The following ARL15 variants were observed in gnomAD, a reference collection of about 807,000 sequenced individuals.
ARL15 encodes ADP-ribosylation factor-like protein 15.
ARL15 carries 19 observed loss-of-function variants against 25.2 expected under a neutral mutation model. The ratio of observed to expected loss-of-function variants is 0.75; its 90% CI spans 0.53 to 1.10. The LOEUF (loss-of-function observed/expected upper bound fraction) is 1.10. Among genes scored for constraint, ARL15 ranks in the 50% least tolerant of loss-of-function variants. The pLI is 0.00. For synonymous variants in ARL15, 94 were observed against 86.8 expected, an observed-to-expected ratio of 1.08 and a Z score of -0.46; for missense variants, 220 against 246.0, an observed-to-expected ratio of 0.89 and a Z score of 0.71.
intron 1 of ARL15, among the ~76,000 whole-genome samples, chr5:54,221,958 C>A (rs1398976938): frequency 6.6e-6 from 1 of 151,818 alleles, no homozygotes; most frequent in Non-Finnish European, 1.5e-5. Context: ...AATGAAAAGG[C>A]AAGAGAAATT....
chr5:54,185,062 T>C (rs1195067317), intron 1 of ARL15, among the ~76,000 whole-genome samples: 2 of 152,156 alleles, frequency 1.3e-5, no homozygotes, highest in Non-Finnish European at 2.9e-5. Context: ...TGGCATCCAA[T>C]AGTTGTTATG....
At chr5:54,056,507 G>A (rs1185894754) in intron 4 of ARL15, among the ~76,000 whole-genome samples, 1 of 151,602 alleles carries the variant, frequency 6.6e-6, no homozygotes, top group Non-Finnish European at 1.5e-5. Flanking sequence ...GCGTGCCCCT[G>A]TAGTCCCAGC....
chr5:54,111,646 A>C (rs1047612442), intron 4 of ARL15, among the ~76,000 whole-genome samples: 1 of 152,132 alleles, frequency 6.6e-6, no homozygotes, highest in Non-Finnish European at 1.5e-5. Context: ...CTGAAGTTAA[A>C]ATGGCACTTA....
At chr5:54,126,810 C>CT (rs889363249) in intron 3 of ARL15, among the ~76,000 whole-genome samples, 3 of 151,748 alleles carry the variant, frequency 2.0e-5, no homozygotes, top group Non-Finnish European at 2.9e-5. Flanking sequence ...TAATAAACTT[C>CT]TTTTTTTAAA....
At chr5:54,239,578 T>A (rs552930625) in intron 1 of ARL15, among the ~76,000 whole-genome samples, 1 of 152,326 alleles carries the variant, frequency 6.6e-6, no homozygotes, top group East Asian at 1.9e-4. Flanking sequence ...CTTATGTGTT[T>A]TCCAGCCTCA....
At chr5:54,052,964 GA>G (rs1255352447) in intron 4 of ARL15, among the ~76,000 whole-genome samples, 1 of 151,742 alleles carries the variant, frequency 6.6e-6, no homozygotes, top group South Asian at 2.1e-4. Context: ...AGTGCCAAAA[GA>G]AAAAAAATCA....
chr5:54,267,544 T>C (rs937529436), intron 1 of ARL15, among the ~76,000 whole-genome samples: 1 of 152,186 alleles, frequency 6.6e-6, no homozygotes, highest in Admixed American at 6.5e-5. Context: ...CAACTTGTTA[T>C]AAATATCCAG....
intron 3 of ARL15, among the ~76,000 whole-genome samples, chr5:54,135,945 C>T (rs1753589322): frequency 6.6e-6 from 1 of 152,178 alleles, no homozygotes; most frequent in African/African-American, 2.4e-5. Flanking sequence ...GCAGCAAATG[C>T]ACCCATAGCC....
chr5:54,165,823 C>T (rs1189240346), intron 2 of ARL15, among the ~76,000 whole-genome samples: 1 of 151,720 alleles, frequency 6.6e-6, no homozygotes, highest in East Asian at 1.9e-4. Flanking sequence ...CCAAAATCTA[C>T]AGTTTGGGCT....
intron 3 of ARL15, among the ~76,000 whole-genome samples, chr5:54,134,687 C>T (rs1487860127): frequency 2.8e-5 from 4 of 141,902 alleles, no homozygotes; most frequent in Non-Finnish European, 4.5e-5. Context: ...CGGGTTCAAG[C>T]GATTCTCCTG....
At chr5:54,221,792 G>T (rs1561272678) in intron 1 of ARL15, among the ~76,000 whole-genome samples, 1 of 150,716 alleles carries the variant, frequency 6.6e-6, no homozygotes, top group Non-Finnish European at 1.5e-5. Context: ...GGGGGCCAGA[G>T]AAGTAATTTT....
chr5:54,194,282 A>C (rs1472418610), intron 1 of ARL15, among the ~76,000 whole-genome samples: 2 of 152,182 alleles, frequency 1.3e-5, no homozygotes, highest in Non-Finnish European at 1.5e-5. Context: ...ATTTTGAACA[A>C]GACGAGATAA....
chr5:54,089,501 A>G lies in ARL15; in HGVS notation c.462+23701T>C, dbSNP rs148352184. Among the ~76,000 whole-genome samples the G allele has an allele frequency of 3.6e-3, 546 of 152,340 alleles. 8 individuals are homozygous for G. The highest frequency in any genetic ancestry group is 0.011 in the African/African-American group (451 of 41,590). Reference sequence around the variant, plus strand: ...CCATTCATAATAAAATTCACTTCACAATAGAAAAGGATATCTTTTATAAAA... The same window carrying G: ...CCATTCATAATAAAATTCACTTCACGATAGAAAAGGATATCTTTTATAAAA... On this transcript the variant is annotated intron_variant, in intron 4 of 4. Coordinates refer to ENST00000504924, the MANE Select transcript of ARL15 (RefSeq NM_019087.3).
chr5:54,088,555 A>T (rs1054532492), intron 4 of ARL15, among the ~76,000 whole-genome samples: 1 of 152,228 alleles, frequency 6.6e-6, no homozygotes, highest in African/African-American at 2.4e-5. Context: ...ACCTGATGAA[A>T]CAACCAAGGC....
At chr5:53,904,786 T>A (rs1283294190) in intron 4 of ARL15, among the ~76,000 whole-genome samples, 1 of 146,348 alleles carries the variant, frequency 6.8e-6, no homozygotes, top group Non-Finnish European at 1.5e-5. Flanking sequence ...TGGAGTGCAG[T>A]GGCACACTCT....
intron 4 of ARL15, among the ~76,000 whole-genome samples, chr5:54,057,324 G>A (rs1750909709): frequency 6.6e-6 from 1 of 152,154 alleles, no homozygotes; most frequent in Non-Finnish European, 1.5e-5. Context: ...TCTTTCTGAA[G>A]CCTCTAAAAA....
intron 4 of ARL15, among the ~76,000 whole-genome samples, chr5:54,063,521 G>C (rs1420644619): frequency 6.6e-6 from 1 of 152,138 alleles, no homozygotes; most frequent in African/African-American, 2.4e-5. Context: ...TTCTCACACA[G>C]CACAATGGTA....
At chr5:54,267,072 T>C (rs976235343) in intron 1 of ARL15, among the ~76,000 whole-genome samples, 6 of 152,180 alleles carry the variant, frequency 3.9e-5, no homozygotes, top group Non-Finnish European at 7.4e-5. Context: ...TCCCTGGGGA[T>C]GGAGCTGTGT....
intron 1 of ARL15, among the ~76,000 whole-genome samples, chr5:54,263,789 T>A (rs1235358903): frequency 6.6e-6 from 1 of 152,098 alleles, no homozygotes; most frequent in Non-Finnish European, 1.5e-5. Flanking sequence ...TTTCTAATAC[T>A]GCTTTTAGGC....
Sources: gnomAD v4.1 joint callset for allele counts (sites outside exome capture counted in the v4.1 genomes callset) on GRCh38, gnomAD v4.1.1 for gene constraint, MANE v1.5 for transcripts, NCBI Gene and HGNC (gene_info 2026-07-23, HGNC 2026-07-21) for gene names.